MCTP2: variants seen among roughly 807,000 people sequenced by gnomAD.
MCTP2 encodes multiple C2 and transmembrane domain-containing protein 2.
Under a neutral mutation model 111.6 loss-of-function variants are expected in MCTP2, and 132 were observed. The ratio of observed to expected loss-of-function variants is 1.18; its 90% CI spans 1.03 to 1.37. The LOEUF is 1.37. Ranked by LOEUF, MCTP2 falls within the 40% of genes most tolerant of loss-of-function variation. The probability of loss-of-function intolerance (pLI) is 0.00; values close to 1 mark genes in which losing one functional copy is unlikely to be tolerated. For missense variants in MCTP2, 1,183 were observed against 1,067.9 expected, an observed-to-expected ratio of 1.11 and a Z score of -1.50; for synonymous variants, 395 against 387.7, an observed-to-expected ratio of 1.02 and a Z score of -0.22.
At chr15:94,452,054 T>C (rs2084495199) in intron 19 of MCTP2, among the ~76,000 whole-genome samples, 1 of 152,156 alleles carries the variant, frequency 6.6e-6, no homozygotes, top group Non-Finnish European at 1.5e-5. Flanking sequence ...GGTAAAGAAC[T>C]TGCCATGATC....
chr15:94,466,154 T>TTACATGATTTTTAACATA (rs2073268211), intron 20 of MCTP2, among the ~76,000 whole-genome samples: 1 of 152,178 alleles, frequency 6.6e-6, no homozygotes, highest in East Asian at 1.9e-4. Flanking sequence ...CAAGCATCTC[T>TTACATGATTTTTAACATA]TACATGATTT....
Position 94,409,945 on chromosome 15 carries a change from C to G in MCTP2, c.2085+7926C>G, listed in dbSNP as rs569878081. 8.0e-5 allele frequency among the ~76,000 whole-genome samples: 12 copies of G among 150,414 alleles called. No homozygotes were observed. In the South Asian group the frequency reaches 8.5e-4, roughly 11 times the overall value. ...ACCCCATTTATCCCCTCTACTCTGC[C>G]TCTCTCCAGAAGCCCTCCTCACCTC... On this transcript the variant is annotated intron_variant, in intron 17 of 22. Transcript: ENST00000357742.
At chr15:94,438,417 T>C in intron 17 of MCTP2, among the ~76,000 whole-genome samples, 1 of 152,050 alleles carries the variant, frequency 6.6e-6, no homozygotes, top group South Asian at 2.1e-4. Flanking sequence ...TGAGGAAGGT[T>C]GACAAAAAGA....
intron 1 of MCTP2, among the ~76,000 whole-genome samples, chr15:94,241,147 A>G (rs558210045): frequency 9.7e-4 from 147 of 151,686 alleles, no homozygotes; most frequent in African/African-American, 3.4e-3. Context: ...CTTTAGTTTC[A>G]TGTAGAGTCG....
chr15:94,311,741 T>C (rs779479522), intron 2 of MCTP2, among the ~76,000 whole-genome samples: 1 of 152,230 alleles, frequency 6.6e-6, no homozygotes, highest in Non-Finnish European at 1.5e-5. Context: ...TGAATTTCCT[T>C]GTTGTTATAA....
intron 1 of MCTP2, among the ~76,000 whole-genome samples, chr15:94,261,852 T>G (rs188130530): frequency 4.4e-4 from 67 of 152,338 alleles, no homozygotes; most frequent in Non-Finnish European, 1.6e-4. Context: ...TGAACTGAAG[T>G]GTTTTTCATT....
chr15:94,427,505 G>A (rs2082950905), intron 17 of MCTP2, among the ~76,000 whole-genome samples: 2 of 152,130 alleles, frequency 1.3e-5, no homozygotes, highest in Admixed American at 1.3e-4. Flanking sequence ...AAGGAAGAGA[G>A]AAGTGCCACA....
intron 20 of MCTP2, among the ~76,000 whole-genome samples, chr15:94,466,148 C>A (rs1317122374): frequency 2.0e-5 from 3 of 152,080 alleles, no homozygotes; most frequent in Non-Finnish European, 4.4e-5. Context: ...TATCTTCAAG[C>A]ATCTCTTACA....
In MCTP2 at chr15:94,440,249, A is replaced by G. The variant is rs753725689; in HGVS notation, c.2159A>G (p.Asn720Ser). The G allele has an allele frequency of 1.1e-5, 18 of 1,613,950 alleles. No homozygotes were observed. The highest frequency in any genetic ancestry group is 4.5e-5 in the East Asian group (2 of 44,890). Reference sequence around the variant, plus strand: ...GCATTGTTGCTGATCTTTGTCTACAATTTCATCAGACCTGTGAAAGGCAAG... The same window carrying G: ...GCATTGTTGCTGATCTTTGTCTACAGTTTCATCAGACCTGTGAAAGGCAAG... ...PLALLLIFVYNFIRPVKGKVS... is the reference protein window; with the variant it reads ...PLALLLIFVYSFIRPVKGKVS... Residue 720 changes from asparagine to serine, a missense_variant, in exon 18 of 23, where the codon AAT becomes AGT. Transcript: ENST00000357742.
chr15:94,414,747 A>AT (rs2082300802), intron 17 of MCTP2, among the ~76,000 whole-genome samples: 1 of 152,134 alleles, frequency 6.6e-6, no homozygotes, highest in Non-Finnish European at 1.5e-5. Context: ...TATGAAGTTC[A>AT]TTTTACAAAC....
chr15:94,436,019 T>C (rs2083459163), intron 17 of MCTP2, among the ~76,000 whole-genome samples: 1 of 152,144 alleles, frequency 6.6e-6, no homozygotes, highest in South Asian at 2.1e-4. Context: ...CTTAGGGTGA[T>C]AGCTTTGATC....
At chr15:94,324,749 T>A (rs2076783014) in intron 4 of MCTP2, among the ~76,000 whole-genome samples, 1 of 152,230 alleles carries the variant, frequency 6.6e-6, no homozygotes, top group Non-Finnish European at 1.5e-5. Flanking sequence ...AATTATGCTA[T>A]GTAATCGCTG....
chr15:94,357,823 C>T (rs2152425764), intron 9 of MCTP2, among the ~76,000 whole-genome samples: 1 of 152,258 alleles, frequency 6.6e-6, no homozygotes, highest in South Asian at 2.1e-4. Flanking sequence ...AAATGAAAAT[C>T]CTGCCAATAA....
At chr15:94,426,409 G>A (rs2082895098) in intron 17 of MCTP2, among the ~76,000 whole-genome samples, 1 of 151,996 alleles carries the variant, frequency 6.6e-6, no homozygotes, top group Non-Finnish European at 1.5e-5. Flanking sequence ...TACTTGAAGT[G>A]TAGATATTTT....
chr15:94,390,074 A>ATGTATATATATATG (rs1329165239), intron 14 of MCTP2, among the ~76,000 whole-genome samples: 4,031 of 25,632 alleles, frequency 0.16, 278 homozygotes, highest in East Asian at 0.42. Context: ...ATATATATAT[A>ATGTATATATATATG]TATATATATA....
chr15:94,398,480 C>T (rs183479129), intron 14 of MCTP2, among the ~76,000 whole-genome samples: 8 of 152,244 alleles, frequency 5.3e-5, no homozygotes, highest in Non-Finnish European at 1.0e-4. Context: ...AAACTCTGAT[C>T]CCTATTTGGA....
At chr15:94,337,226 T>C (rs892487356) in intron 4 of MCTP2, among the ~76,000 whole-genome samples, 3 of 152,146 alleles carry the variant, frequency 2.0e-5, no homozygotes, top group Admixed American at 6.6e-5. Flanking sequence ...TTTGGCTTTG[T>C]AAACCCCGGT....
intron 1 of MCTP2, among the ~76,000 whole-genome samples, chr15:94,245,690 A>G (rs1324149091): frequency 1.4e-5 from 2 of 145,416 alleles, no homozygotes; most frequent in Admixed American, 1.4e-4. Context: ...ATGTGTATAC[A>G]TATATAAATA....
At position 94,483,917 on chromosome 15, in the gene MCTP2, G is replaced by C. The variant is rs2074852210; in HGVS notation, c.*4883G>C. The C allele has an allele frequency of 6.6e-6, 1 of 152,164 alleles. No homozygotes were observed. The highest frequency in any genetic ancestry group is 1.5e-5 in the Non-Finnish European group (1 of 68,038). 9.4% of individuals were successfully genotyped at this position (152,164 alleles called of 1,614,324 possible). A position where few individuals can be genotyped will look rare whatever the true frequency, so the allele number is the denominator to read the frequency against. ...TTAGGAATCTTGTGACAACGGAACA[G>C]TTGAAAAATTAAAATAAAAATTGCC... On this transcript the variant is annotated 3_prime_UTR_variant, in exon 23 of 23. Transcript: ENST00000357742.
Sources: gnomAD v4.1 joint callset for allele counts (sites outside exome capture counted in the v4.1 genomes callset) on GRCh38, gnomAD v4.1.1 for gene constraint, MANE v1.5 for transcripts, NCBI Gene and HGNC (gene_info 2026-07-23, HGNC 2026-07-21) for gene names.